The following FHIT variants were observed in gnomAD, a reference collection of about 807,000 sequenced individuals.
The protein encoded by FHIT is fragile histidine triad diadenosine triphosphatase.
A neutral mutation model predicts 17.9 loss-of-function variants in FHIT; 19 were observed. The ratio of observed to expected loss-of-function variants is 1.06; its 90% CI spans 0.74 to 1.56. The LOEUF (loss-of-function observed/expected upper bound fraction) is 1.56. FHIT is among the 40% of genes most tolerant of loss of function. The probability of loss-of-function intolerance (pLI) is 0.00; values close to 1 mark genes in which losing one functional copy is unlikely to be tolerated. For missense variants in FHIT, 248 were observed against 189.2 expected, an observed-to-expected ratio of 1.31 and a Z score of -1.82; for synonymous variants, 81 against 69.7, an observed-to-expected ratio of 1.16 and a Z score of -0.81.
chr3:61,178,134 G>A (rs1391640265), intron 2 of FHIT, among the ~76,000 whole-genome samples: 1 of 152,030 alleles, frequency 6.6e-6, no homozygotes, highest in Non-Finnish European at 1.5e-5. Context: ...GTGTTAAGAG[G>A]GGTAATTATA....
At chr3:59,954,565 G>C (rs1162682944) in intron 7 of FHIT, among the ~76,000 whole-genome samples, 1 of 152,180 alleles carries the variant, frequency 6.6e-6, no homozygotes, top group African/African-American at 2.4e-5. Flanking sequence ...AAACTCAAAA[G>C]AAGATGAGGC....
chr3:59,947,167 T>C (rs990519949), intron 7 of FHIT, among the ~76,000 whole-genome samples: 2 of 152,210 alleles, frequency 1.3e-5, no homozygotes, highest in African/African-American at 4.8e-5. Context: ...TGTTGGGCAA[T>C]TTATTACTGA....
rs17063118 is a variant in FHIT at position 60,431,341 on chromosome 3, T to C, written c.103+105519A>G. On this transcript the variant is annotated intron_variant, in intron 5 of 9. Transcript: ENST00000492590. ...ATTTAAGTTTTCTTTACAAACTGGATAACAATTAACAATTTTATAGCAAAG... is the reference window on the plus strand; with the variant it reads ...ATTTAAGTTTTCTTTACAAACTGGACAACAATTAACAATTTTATAGCAAAG... 1.4e-3 allele frequency among the ~76,000 whole-genome samples: 216 copies of C among 152,192 alleles called. 2 individuals are homozygous for C. Among genetic ancestry groups the C allele is most frequent in the Middle Eastern group, 0.01 (3 of 294 alleles).
At chr3:61,246,716 G>A (rs928669458) in intron 1 of FHIT, among the ~76,000 whole-genome samples, 1 of 152,014 alleles carries the variant, frequency 6.6e-6, no homozygotes, top group Non-Finnish European at 1.5e-5. Flanking sequence ...GGGAAGGGGA[G>A]GGAGAGCATT....
chr3:60,732,684 C>CTTTTTTTTTTT lies in FHIT; in HGVS notation c.-18+89224_-18+89234dup, dbSNP rs3038041. On this transcript the variant is annotated intron_variant, in intron 4 of 9. Transcript: ENST00000492590. Reference sequence around the variant, plus strand: ...GCAGTGGCAGCGTCTGCAAAGACTGCTTTTTTTTTTTTTTTTTTTTTTGAC... The same window carrying CTTTTTTTTTTT: ...GCAGTGGCAGCGTCTGCAAAGACTGCTTTTTTTTTTTTTTTTTTTTTTTTTTTTTTTTTGAC... The CTTTTTTTTTTT allele has an allele frequency of 1.4e-4, 25 of 178,548 alleles. 1 individual carries two copies. The highest frequency in any genetic ancestry group is 3.8e-4 in the Admixed American group (5 of 13,322). The allele number at this position is 178,548 out of a possible 1,614,324, so 11.1% of individuals were successfully genotyped here. A position where few individuals can be genotyped will look rare whatever the true frequency, so the allele number is the denominator to read the frequency against.
At chr3:60,147,341 T>C (rs190217406) in intron 5 of FHIT, among the ~76,000 whole-genome samples, 2 of 152,118 alleles carry the variant, frequency 1.3e-5, no homozygotes, top group Non-Finnish European at 2.9e-5. Context: ...TAATTCAAAC[T>C]ACAAGTCTTA....
intron 4 of FHIT, among the ~76,000 whole-genome samples, chr3:60,572,652 C>A (rs1034315897): frequency 2.0e-5 from 3 of 152,256 alleles, no homozygotes; most frequent in Non-Finnish European, 1.5e-5. Context: ...CTACTCCCTA[C>A]ACAACTTCTG....
intron 5 of FHIT, among the ~76,000 whole-genome samples, chr3:60,406,793 A>G (rs1236130722): frequency 6.6e-6 from 1 of 152,138 alleles, no homozygotes; most frequent in Non-Finnish European, 1.5e-5. Flanking sequence ...AATGTTGGCA[A>G]CTGTTTAGTT....
chr3:61,189,278 A>T lies in FHIT; in HGVS notation c.-164+11339T>A, dbSNP rs2038632189. Among the ~76,000 whole-genome samples, 3 of 152,328 alleles carry T rather than the reference A, an allele frequency of 2.0e-5. No individual in the cohort carries two copies. The South Asian group carries it at 6.2e-4, about 32-fold the overall frequency. ...ACGTGCAAAAATCACAAGCATTCTT[A>T]TACACCAATAACAGACAAACAGAGA... On this transcript the variant is annotated intron_variant, in intron 2 of 9. Transcript: ENST00000492590.
intron 5 of FHIT, among the ~76,000 whole-genome samples, chr3:60,066,230 T>A (rs866055737): frequency 6.6e-5 from 10 of 152,268 alleles, no homozygotes; most frequent in Middle Eastern, 6.8e-3. Context: ...AAAATGTAAG[T>A]CAAACTCAGG....
At chr3:61,241,011 C>G (rs1309787787) in intron 1 of FHIT, among the ~76,000 whole-genome samples, 1 of 152,234 alleles carries the variant, frequency 6.6e-6, no homozygotes, top group Non-Finnish European at 1.5e-5. Context: ...CAGTGAAAAT[C>G]AGACCTGCCA....
rs766147572 is a variant in FHIT at position 60,408,375 on chromosome 3, G to A, written c.103+128485C>T. On this transcript the variant is annotated intron_variant, in intron 5 of 9. Transcript: ENST00000492590. Reference sequence around the variant, plus strand: ...ACTCCTAATCCACATATGTCTATCCGGCATCCACTAGGACAACTACCTGCG... The same window carrying A: ...ACTCCTAATCCACATATGTCTATCCAGCATCCACTAGGACAACTACCTGCG... Among the ~76,000 whole-genome samples the A allele has an allele frequency of 4.6e-5, 7 of 152,002 alleles. 1 individual carries two copies. The highest frequency in any genetic ancestry group is 1.2e-4 in the African/African-American group (5 of 41,370).
At chr3:59,780,305 G>C (rs1023441674) in intron 8 of FHIT, among the ~76,000 whole-genome samples, 6 of 152,222 alleles carry the variant, frequency 3.9e-5, no homozygotes, top group African/African-American at 1.4e-4. Context: ...ATAGTGATTG[G>C]TATTAGGATT....
At chr3:60,293,735 G>C (rs1053378634) in intron 5 of FHIT, among the ~76,000 whole-genome samples, 1 of 152,072 alleles carries the variant, frequency 6.6e-6, no homozygotes, top group African/African-American at 2.4e-5. Context: ...GTGCCCACTG[G>C]ACAAAACCAC....
intron 7 of FHIT, among the ~76,000 whole-genome samples, chr3:59,989,362 G>C (rs903618764): frequency 6.6e-6 from 1 of 151,836 alleles, no homozygotes; most frequent in African/African-American, 2.4e-5. Context: ...TCCAACCCTC[G>C]GCCAGCACCT....
At chr3:61,074,691 G>C (rs1468352190) in intron 2 of FHIT, among the ~76,000 whole-genome samples, 1 of 152,008 alleles carries the variant, frequency 6.6e-6, no homozygotes, top group African/African-American at 2.4e-5. Context: ...CTTCTTAATA[G>C]TATTGTTATT....
chr3:61,148,092 A>T (rs1560020159), intron 2 of FHIT, among the ~76,000 whole-genome samples: 1 of 151,786 alleles, frequency 6.6e-6, no homozygotes, highest in Non-Finnish European at 1.5e-5. Flanking sequence ...AGACTGGAAG[A>T]AAGTTATTTA....
At chr3:60,976,627 G>A (rs1710265909) in intron 3 of FHIT, among the ~76,000 whole-genome samples, 1 of 152,186 alleles carries the variant, frequency 6.6e-6, no homozygotes, top group African/African-American at 2.4e-5. Flanking sequence ...CTGTTTCTGT[G>A]AAGAACATGT....
At chr3:61,086,708 G>C (rs1559970357) in intron 2 of FHIT, among the ~76,000 whole-genome samples, 1 of 151,720 alleles carries the variant, frequency 6.6e-6, no homozygotes, top group Non-Finnish European at 1.5e-5. Context: ...TCTTTATTTT[G>C]GCTGGCTTTT....
Sources: allele counts gnomAD v4.1 joint callset (sites outside exome capture counted in the v4.1 genomes callset), GRCh38; gene constraint gnomAD v4.1.1; transcripts MANE v1.5; gene names NCBI Gene and HGNC (gene_info 2026-07-23, HGNC 2026-07-21).